The following INCENP variants were observed in gnomAD, a reference collection of about 807,000 sequenced individuals.
INCENP encodes inner centromere protein, also known as binds and activates aurora-B and -C in vivo and in vitro.
INCENP carries 43 observed loss-of-function variants against 107.3 expected under a neutral mutation model. The ratio of observed to expected loss-of-function variants is 0.40; its 90% CI spans 0.31 to 0.52. INCENP has a LOEUF of 0.52. Among genes scored for constraint, INCENP ranks in the 20% least tolerant of loss-of-function variants. The pLI, the probability that INCENP is intolerant of heterozygous loss-of-function variation, is 0.53. For missense variants in INCENP, 1,089 were observed against 1,250.9 expected (o/e 0.87, Z 1.95); for synonymous variants, 488 against 494.4 (o/e 0.99, Z 0.17).
intron 4 of INCENP, among the ~76,000 whole-genome samples, chr11:62,135,854 G>A (rs1297255822): frequency 6.6e-6 from 1 of 151,878 alleles, no homozygotes; most frequent in African/African-American, 2.4e-5. Flanking sequence ...CTGTTGCCCA[G>A]GCTGGAGTGC....
chr11:62,139,694 T>C (rs1461462104), intron 7 of INCENP, among the ~76,000 whole-genome samples: 1 of 152,204 alleles, frequency 6.6e-6, no homozygotes, highest in Non-Finnish European at 1.5e-5. Context: ...CAGCGGGAGC[T>C]GCCCCCTCCT....
At position 62,137,823 on chromosome 11, in the gene INCENP, C is replaced by T; in HGVS notation, c.1064-9C>T. On this transcript the variant is annotated splice_polypyrimidine_tract_variant and intron_variant, in intron 4 of 18. Transcript: ENST00000394818. ...ATGAGATCTTTTGTGCCTTTCTTTT[C>T]CCCCTCAGGTCACAGTTACCTGGAG... The T allele has an allele frequency of 6.2e-7, 1 of 1,613,766 alleles. No individual in the cohort carries two copies.
intron 14 of INCENP, 92 bp downstream of exon 14, chr11:62,145,843 G>A: frequency 7.0e-7 from 1 of 1,421,702 alleles, no homozygotes; most frequent in East Asian, 2.5e-5. Flanking sequence ...CCACCTTGTG[G>A]GGTTGACCCA....
intron 1 of INCENP, among the ~76,000 whole-genome samples, chr11:62,127,092 A>C (rs542002004): frequency 2.7e-5 from 4 of 149,276 alleles, no homozygotes; most frequent in Non-Finnish European, 4.4e-5. Context: ...GCTGGGGTGC[A>C]ATGGTGTGAT....
chr11:62,137,706 G>T, intron 4 of INCENP, 126 bp from the exon 5 acceptor site: 1 of 803,722 alleles, frequency 1.2e-6, no homozygotes, highest in Non-Finnish European at 2.2e-6. Context: ...GGGCATGGTG[G>T]GGGCTCCACG....
Position 62,141,847 on chromosome 11 carries a change from C to T in INCENP, c.1605+336C>T. 5 of 458,848 alleles carry T rather than the reference C, an allele frequency of 1.1e-5. No homozygotes were observed. In the South Asian group the frequency reaches 1.2e-4, roughly 11 times the overall value. The allele number at this position is 458,848 out of a possible 1,614,324, so 28.4% of individuals were successfully genotyped here. The stretch of plus-strand genomic sequence containing the variant: ...CCAGGCCCCGTCAGGGTCTGTGGGT[C>T]TTTGAAGAGAACAGACAGGTTGTCT... On this transcript the variant is annotated intron_variant, in intron 11 of 18. Transcript: ENST00000394818.
At chr11:62,126,826 A>T (rs1241252229) in intron 1 of INCENP, among the ~76,000 whole-genome samples, 1 of 151,552 alleles carries the variant, frequency 6.6e-6, no homozygotes, top group East Asian at 1.9e-4. Context: ...ACCTAATATG[A>T]TGTAAAAGCT....
chr11:62,132,287 G>A (rs1943908790), intron 4 of INCENP, among the ~76,000 whole-genome samples: 1 of 152,264 alleles, frequency 6.6e-6, no homozygotes, highest in African/African-American at 2.4e-5. Flanking sequence ...CTTGAGCGCT[G>A]TGTGTTTCAT....
chr11:62,141,398 G>A (rs893628391), intron 10 of INCENP, 102 bp from the exon 11 acceptor site: 29 of 1,477,664 alleles, frequency 2.0e-5, no homozygotes, highest in Non-Finnish European at 2.5e-5. Context: ...AGGAGGGCAG[G>A]CCCCACGCAG....
chr11:62,139,541 C>G (rs1429675001), intron 7 of INCENP, among the ~76,000 whole-genome samples: 1 of 152,244 alleles, frequency 6.6e-6, no homozygotes. Flanking sequence ...CGGCCTCCTC[C>G]TCTTTACGAC....
In INCENP at chr11:62,130,155, G is replaced by A. The variant is rs781093733; in HGVS notation, c.628G>A (p.Gly210Ser). 1.2e-6 allele frequency: 2 copies of A among 1,613,700 alleles called. No homozygotes were observed. Among genetic ancestry groups the A allele is most frequent in the African/African-American group, 2.7e-5 (2 of 74,862 alleles). The change falls in exon 4 of 19, where the codon GGC (glycine) becomes AGC (serine). Residue 210 changes from glycine (G) to serine (S), a missense_variant. Coordinates refer to ENST00000394818, the MANE Select transcript of INCENP (RefSeq NM_001040694.2). ...PASATAPTSQGIPTSDEESTP... is the reference protein window; with the variant it reads ...PASATAPTSQSIPTSDEESTP... ...TTCAGCCACAGCTCCAACCTCCCAG[G>A]GCATCCCGACATCAGATGAGGAATC... is the stretch of plus-strand genomic sequence containing the variant.
chr11:62,151,831 C>A lies in INCENP; in HGVS notation c.2612C>A (p.Thr871Asn). 1 of 1,614,156 alleles carries A rather than the reference C, an allele frequency of 6.2e-7. No individual in the cohort carries two copies. Among genetic ancestry groups the A allele is most frequent in the Non-Finnish European group, 8.5e-7 (1 of 1,180,002 alleles). Residue 871 changes from threonine (T) to asparagine (N), a missense_variant, in exon 19 of 19, where the codon ACC (threonine) becomes AAC (asparagine). Thr to Asn is a moderately conservative substitution (Grantham distance 65, BLOSUM62 0). Transcript: ENST00000394818. ...HPPNLLELFG[T>N]ILPLDLEDIF... Reference sequence around the variant, plus strand: ...CCGAACCTTCTGGAGCTCTTTGGAACCATTCTCCCACTGGACTTGGAGGAT... The same window carrying A: ...CCGAACCTTCTGGAGCTCTTTGGAAACATTCTCCCACTGGACTTGGAGGAT...
chr11:62,133,033 G>A (rs1418609261), intron 4 of INCENP, among the ~76,000 whole-genome samples: 3 of 152,110 alleles, frequency 2.0e-5, no homozygotes, highest in Non-Finnish European at 2.9e-5. Context: ...GTTTGGGTGC[G>A]ACAAGGCCGA....
At chr11:62,146,411 A>G (rs2134672350) in intron 14 of INCENP, among the ~76,000 whole-genome samples, 1 of 152,378 alleles carries the variant, frequency 6.6e-6, no homozygotes, top group South Asian at 2.1e-4. Flanking sequence ...TTTCATAGCT[A>G]GCGAGTTTGG....
At chr11:62,134,104 C>A (rs145600231) in intron 4 of INCENP, among the ~76,000 whole-genome samples, 3 of 152,296 alleles carry the variant, frequency 2.0e-5, no homozygotes, top group African/African-American at 7.2e-5. Flanking sequence ...TAGGAAGAAG[C>A]CGGGGACATA....
At chr11:62,130,819 A>T (rs1465901097) in intron 4 of INCENP, among the ~76,000 whole-genome samples, 1 of 152,206 alleles carries the variant, frequency 6.6e-6, no homozygotes. Flanking sequence ...ATTGTATTGC[A>T]TTCTACTTCT....
At chr11:62,147,029 A>G in intron 15 of INCENP, 127 bp downstream of exon 15, 1 of 1,436,524 alleles carries the variant, frequency 7.0e-7, no homozygotes, top group Non-Finnish European at 9.4e-7. Context: ...CACCAAACCC[A>G]GAGGCCCACC....
chr11:62,151,715 G>A (rs767247757), intron 18 of INCENP, 47 bp from the exon 19 acceptor site: 39 of 1,532,682 alleles, frequency 2.5e-5, no homozygotes, highest in Non-Finnish European at 3.5e-5. Context: ...GGATGGGGAG[G>A]TTCATGGAGA....
Position 62,140,609 on chromosome 11 carries a change from C to T in INCENP, c.1344-95C>T, listed in dbSNP as rs1015745451. ...CCTCTTTCAGTCTAGAGGCCTGTGG[C>T]CTGGGCCCGGTATTGTTCACCGGGG... On this transcript the variant is annotated intron_variant, in intron 8 of 18. Coordinates refer to ENST00000394818, the MANE Select transcript of INCENP (RefSeq NM_001040694.2). The T allele has an allele frequency of 1.3e-4, 136 of 1,067,406 alleles. 1 individual carries two copies. The Admixed American group carries it at 2.7e-3, about 21-fold the overall frequency. 66.1% of individuals were successfully genotyped at this position (1,067,406 alleles called of 1,614,324 possible).
Sources: allele counts gnomAD v4.1 joint callset (sites outside exome capture counted in the v4.1 genomes callset), GRCh38; gene constraint gnomAD v4.1.1; transcripts MANE v1.5; gene names NCBI Gene and HGNC (gene_info 2026-07-23, HGNC 2026-07-21).